FMN1: variants seen among roughly 807,000 people sequenced by gnomAD.
FMN1 encodes formin 1.
FMN1 carries 110 observed loss-of-function variants against 132.4 expected under a neutral mutation model. The ratio of observed to expected loss-of-function variants is 0.83; its 90% CI spans 0.71 to 0.97. FMN1 has a LOEUF of 0.97. Ranked by LOEUF, FMN1 falls within the 50% of genes least tolerant of loss-of-function variation. The pLI is 0.00. For synonymous variants in FMN1, 722 were observed against 651.7 expected, an observed-to-expected ratio of 1.11 and a Z score of -1.64; for missense variants, 1,792 against 1,705.3, an observed-to-expected ratio of 1.05 and a Z score of -0.90.
chr15:33,095,857 GAAGTA>G (rs1390826809), intron 4 of FMN1, among the ~76,000 whole-genome samples: 2 of 151,944 alleles, frequency 1.3e-5, no homozygotes, highest in Non-Finnish European at 2.9e-5. Flanking sequence ...AATAGCTAAG[GAAGTA>G]AAGTAGAGAA....
At chr15:33,012,128 C>T (rs540647771) in intron 6 of FMN1, 26 of 471,950 alleles carry the variant, frequency 5.5e-5, no homozygotes, top group African/African-American at 5.1e-4. Flanking sequence ...CATGTCTGCA[C>T]ATCAGAGTCC....
At chr15:32,788,112 G>A (rs761415229) in intron 19 of FMN1, among the ~76,000 whole-genome samples, 21 of 152,300 alleles carry the variant, frequency 1.4e-4, no homozygotes, top group Middle Eastern at 3.4e-3. Flanking sequence ...GTCCTCTTCC[G>A]TTTGCAGAGC....
rs555959299 is a variant in FMN1, at chr15:33,017,773, C to A, written c.2162-9698G>T. Among the ~76,000 whole-genome samples, 139 of 152,320 alleles carry A rather than the reference C, an allele frequency of 9.1e-4. 1 individual carries two copies. In the Middle Eastern group the frequency reaches 0.02, roughly 22 times the overall value. On this transcript the variant is annotated intron_variant, in intron 6 of 20. Transcript: ENST00000616417. ...TTGAATGTTTGTGTCCTACTAAAATCCATATGATGGGCTGGGTGCAGTGGC... is the reference window on the plus strand; with the variant it reads ...TTGAATGTTTGTGTCCTACTAAAATACATATGATGGGCTGGGTGCAGTGGC...
chr15:33,077,284 C>T (rs932733033), intron 5 of FMN1, among the ~76,000 whole-genome samples: 1 of 151,176 alleles, frequency 6.6e-6, no homozygotes, highest in Admixed American at 6.6e-5. Flanking sequence ...ATCCACCTGC[C>T]TTGGCCTCCT....
chr15:33,088,807 C>G lies in FMN1; in HGVS notation c.2035G>C (p.Asp679His). Reference sequence around the variant, plus strand: ...CCAAGATTTCTACTTACATGGAGATCCAAGTACAATTCGCTCCTGTTTGAC... The same window carrying G: ...CCAAGATTTCTACTTACATGGAGATGCAAGTACAATTCGCTCCTGTTTGAC... ...EKSNRSELYL[D>H]LHPDHSLTEQ... Residue 679 changes from aspartate (D) to histidine (H), a missense_variant, in exon 5 of 21, where the codon GAT becomes CAT. By Grantham distance (81) the Asp-to-His change is moderately conservative (BLOSUM62 -1). Coordinates refer to ENST00000616417, the MANE Select transcript of FMN1 (RefSeq NM_001277313.2). 6.5e-7 allele frequency: 1 copy of G among 1,535,294 alleles called. No homozygotes were observed. The highest frequency in any genetic ancestry group is 8.7e-7 in the Non-Finnish European group (1 of 1,146,530).
intron 17 of FMN1, among the ~76,000 whole-genome samples, chr15:32,835,616 T>C (rs569594097): frequency 1.3e-4 from 19 of 151,972 alleles, no homozygotes; most frequent in African/African-American, 4.4e-4. Context: ...TTCAAATAGA[T>C]GTTATGGGGT....
chr15:32,908,402 T>C lies in FMN1; in HGVS notation c.3377+88A>G, dbSNP rs1002748564. On this transcript the variant is annotated intron_variant, in intron 12 of 20. Transcript: ENST00000616417. ...GTTGTGATTTAGCTGGCTGCACATT[T>C]AGATTTGGTTATTCTGAGCTGGGAG... 6.0e-6 allele frequency: 5 copies of C among 838,234 alleles called. No homozygotes were observed. In the Admixed American group the frequency reaches 1.0e-4, roughly 17 times the overall value. The allele number at this position is 838,234 out of a possible 1,614,324, so 51.9% of individuals were successfully genotyped here. A position where few individuals can be genotyped will look rare whatever the true frequency, so the allele number is the denominator to read the frequency against.
At chr15:33,167,622 G>A (rs1057171354) in intron 3 of FMN1, among the ~76,000 whole-genome samples, 3 of 152,110 alleles carry the variant, frequency 2.0e-5, no homozygotes, top group Admixed American at 6.5e-5. Context: ...ATAACTTTTG[G>A]TTCCCCAAAA....
chr15:33,182,347 T>A (rs1965733004), intron 2 of FMN1, among the ~76,000 whole-genome samples: 1 of 152,186 alleles, frequency 6.6e-6, no homozygotes, highest in Non-Finnish European at 1.5e-5. Flanking sequence ...TGAGAAACAC[T>A]GTTCTAGAAT....
intron 9 of FMN1, among the ~76,000 whole-genome samples, chr15:32,963,743 A>C (rs1485557018): frequency 6.6e-6 from 1 of 152,166 alleles, no homozygotes; most frequent in African/African-American, 2.4e-5. Context: ...TTTTTATTTC[A>C]ACAGAATTAA....
At chr15:33,082,020 G>GGGGTGTGTGTGTGTGTGTGT (rs1355703560) in intron 5 of FMN1, among the ~76,000 whole-genome samples, 1 of 117,762 alleles carries the variant, frequency 8.5e-6, no homozygotes, top group African/African-American at 3.4e-5. Context: ...AGAGTTCAGG[G>GGGGTGTGTGTGTGTGTGTGT]GTGTGTGTGT....
chr15:32,930,125 G>C (rs2061073002), intron 9 of FMN1, among the ~76,000 whole-genome samples: 1 of 151,556 alleles, frequency 6.6e-6, no homozygotes, highest in Non-Finnish European at 1.5e-5. Flanking sequence ...AAGTAGCTGG[G>C]ATTACAGGTG....
At chr15:32,848,499 A>AG (rs1379099881) in intron 17 of FMN1, among the ~76,000 whole-genome samples, 2 of 152,200 alleles carry the variant, frequency 1.3e-5, no homozygotes, top group Non-Finnish European at 2.9e-5. Context: ...CCAAGGTACT[A>AG]GCTCATAGAT....
rs1555372564 is a variant in FMN1 at position 32,981,564 on chromosome 15, T to TACA, written c.2224-12090_2224-12088dup. Among the ~76,000 whole-genome samples the TACA allele has an allele frequency of 6.1e-3, 909 of 148,032 alleles. 10 individuals are homozygous for TACA. Among genetic ancestry groups the TACA allele is most frequent in the African/African-American group, 0.021 (855 of 40,560 alleles). ...TAATAATTATTATTATTATTATTAT[T>TACA]ACATTCTGTGCTAACATAAGACTCA... On this transcript the variant is annotated intron_variant, in intron 7 of 20. Transcript: ENST00000616417.
At chr15:32,874,083 G>A (rs1444035312) in intron 16 of FMN1, among the ~76,000 whole-genome samples, 7 of 142,116 alleles carry the variant, frequency 4.9e-5, no homozygotes, top group African/African-American at 1.6e-4. Flanking sequence ...GTGCAATGGC[G>A]CGATCTCGGC....
chr15:32,989,591 T>C (rs1395942190), intron 7 of FMN1, among the ~76,000 whole-genome samples: 4 of 151,976 alleles, frequency 2.6e-5, no homozygotes, highest in East Asian at 3.9e-4. Flanking sequence ...CCAAGATAAA[T>C]TGGAGGGTCT....
At chr15:33,139,970 A>G (rs1963938337) in intron 4 of FMN1, among the ~76,000 whole-genome samples, 1 of 152,130 alleles carries the variant, frequency 6.6e-6, no homozygotes, top group Admixed American at 6.6e-5. Context: ...TTTAGGGTGT[A>G]TGTTTCCAAA....
At chr15:32,950,243 G>GT (rs1447629032) in intron 9 of FMN1, among the ~76,000 whole-genome samples, 2 of 150,962 alleles carry the variant, frequency 1.3e-5, no homozygotes, top group Non-Finnish European at 2.9e-5. Flanking sequence ...TGGTGGGAGA[G>GT]TAAATTAGTT....
chr15:32,790,014 T>A (rs1460339038), intron 19 of FMN1, among the ~76,000 whole-genome samples: 2 of 134,434 alleles, frequency 1.5e-5, no homozygotes, highest in Admixed American at 1.6e-4. Flanking sequence ...ACAATGCGTT[T>A]CTCACAATGT....
Sources: gnomAD v4.1 joint callset for allele counts (sites outside exome capture counted in the v4.1 genomes callset) on GRCh38, gnomAD v4.1.1 for gene constraint, MANE v1.5 for transcripts, NCBI Gene and HGNC (gene_info 2026-07-23, HGNC 2026-07-21) for gene names.